EEF2K: variants seen among roughly 807,000 people sequenced by gnomAD.
The protein encoded by EEF2K is alternative protein EEF2K.
In EEF2K, 70 loss-of-function variants were observed where a neutral mutation model predicts 93.8. The ratio of observed to expected loss-of-function variants is 0.75; its 90% confidence interval spans 0.62 to 0.91. The LOEUF (loss-of-function observed/expected upper bound fraction) is 0.91, where lower values mean the gene tolerates loss of function less well. EEF2K is among the 40% of genes least tolerant of loss of function. EEF2K has a pLI of 0.00. For synonymous variants in EEF2K, 376 were observed against 380.8 expected (o/e 0.99, Z 0.15); for missense variants, 935 against 972.9 (o/e 0.96, Z 0.52).
intron 2 of EEF2K, among the ~76,000 whole-genome samples, chr16:22,244,309 G>GTGTGTGTA (rs1491540875): frequency 2.8e-5 from 4 of 142,040 alleles, no homozygotes; most frequent in East Asian, 4.3e-4. Context: ...GTGTGTGTGT[G>GTGTGTGTA]TATATCCTAT....
At chr16:22,226,517 C>CTTCTTCTTTTTTT (rs1555469266) in intron 2 of EEF2K, among the ~76,000 whole-genome samples, 2 of 106,900 alleles carry the variant, frequency 1.9e-5, no homozygotes, top group South Asian at 3.0e-4. Flanking sequence ...CCTTCTTCTT[C>CTTCTTCTTTTTTT]TTTTTTTTTT....
At chr16:22,226,126 G>C (rs1438548590) in intron 2 of EEF2K, 151 bp downstream of exon 2, 30 of 1,203,934 alleles carry the variant, frequency 2.5e-5, no homozygotes, top group Non-Finnish European at 3.1e-5. Flanking sequence ...TAAGCAGGGA[G>C]GGTATTATTG....
chr16:22,255,742 C>A (rs1262262788), intron 6 of EEF2K, among the ~76,000 whole-genome samples: 1 of 151,952 alleles, frequency 6.6e-6, no homozygotes, highest in East Asian at 2.0e-4. Flanking sequence ...GACCTCGTCT[C>A]TATAAAAAAA....
At chr16:22,275,731 C>T (rs2047628045) in intron 16 of EEF2K, among the ~76,000 whole-genome samples, 1 of 150,850 alleles carries the variant, frequency 6.6e-6, no homozygotes, top group African/African-American at 2.4e-5. Context: ...ATCTCCACCT[C>T]CCAGGTTCAA....
chr16:22,213,384 GTTTAT>G (rs1248760682), intron 1 of EEF2K, among the ~76,000 whole-genome samples: 2 of 152,164 alleles, frequency 1.3e-5, no homozygotes, highest in Non-Finnish European at 2.9e-5. Flanking sequence ...GGACTGTTCT[GTTTAT>G]TTTAGGATGT....
At chr16:22,277,562 T>C (rs749375852) in intron 16 of EEF2K, among the ~76,000 whole-genome samples, 2 of 152,216 alleles carry the variant, frequency 1.3e-5, no homozygotes, top group African/African-American at 2.4e-5. Context: ...GGGAATGCAG[T>C]AGACAAATAC....
Position 22,248,807 on chromosome 16 carries a change from G to A in EEF2K, c.400G>A (p.Ala134Thr). The A allele has an allele frequency of 1.2e-6, 2 of 1,613,920 alleles. No individual in the cohort carries two copies. The highest frequency in any genetic ancestry group is 1.7e-6 in the Non-Finnish European group (2 of 1,179,916). ...GGATGATGAAGTTCTGATCAAGATG[G>A]CATCTCAGGTGAGCAGAGCGTTGAG... ...WLDDEVLIKMASQPFGRGAMR... is the reference protein window; with the variant it reads ...WLDDEVLIKMTSQPFGRGAMR... The change falls in exon 4 of 18, where the codon GCA becomes ACA. Residue 134 changes from alanine (A) to threonine (T), a missense_variant. Physicochemically the swap from Ala to Thr is moderately conservative, Grantham distance 58. Coordinates refer to ENST00000263026, the MANE Select transcript of EEF2K (RefSeq NM_013302.5).
intron 3 of EEF2K, 36 bp from the exon 4 acceptor site, chr16:22,248,719 T>C (rs755352300): frequency 8.1e-6 from 13 of 1,612,284 alleles, no homozygotes; most frequent in Non-Finnish European, 1.1e-5. Context: ...GACCACGTGA[T>C]GGACGCTGTG....
intron 1 of EEF2K, among the ~76,000 whole-genome samples, chr16:22,217,382 C>A (rs1233666414): frequency 1.3e-5 from 2 of 151,768 alleles, no homozygotes; most frequent in Non-Finnish European, 2.9e-5. Context: ...TATACAGTGG[C>A]CCTAGTAAGA....
intron 6 of EEF2K, among the ~76,000 whole-genome samples, chr16:22,254,556 C>A (rs2047381544): frequency 6.6e-6 from 1 of 152,136 alleles, no homozygotes; most frequent in African/African-American, 2.4e-5. Context: ...TGTAACAGGG[C>A]AAGAGGTGCA....
chr16:22,257,464 A>G (rs1225144091), intron 8 of EEF2K, 79 bp downstream of exon 8: 2 of 1,578,696 alleles, frequency 1.3e-6, no homozygotes, highest in African/African-American at 2.7e-5. Context: ...ACAGCCAAGG[A>G]AACAGGCTGA....
intron 2 of EEF2K, among the ~76,000 whole-genome samples, chr16:22,232,108 C>T (rs953850109): frequency 6.6e-6 from 1 of 151,444 alleles, no homozygotes; most frequent in Non-Finnish European, 1.5e-5. Flanking sequence ...TCACACACAT[C>T]TGGAAGCTCC....
At chr16:22,255,996 C>T (rs967980905) in intron 6 of EEF2K, among the ~76,000 whole-genome samples, 3 of 152,060 alleles carry the variant, frequency 2.0e-5, no homozygotes, top group African/African-American at 7.2e-5. Flanking sequence ...TCACTGCAAC[C>T]TCTGCCTCCT....
chr16:22,264,758 G>A (rs1328524326), intron 12 of EEF2K, 60 bp from the exon 13 acceptor site: 1 of 1,600,356 alleles, frequency 6.2e-7, no homozygotes, highest in Non-Finnish European at 8.5e-7. Flanking sequence ...CAGCTCTCAG[G>A]AGAGGTTCCT....
chr16:22,230,668 C>T (rs1490361829), intron 2 of EEF2K, among the ~76,000 whole-genome samples: 2 of 152,148 alleles, frequency 1.3e-5, no homozygotes, highest in African/African-American at 4.8e-5. Flanking sequence ...ACCACAGGTA[C>T]ATGCCACCAT....
At chr16:22,242,445 C>T (rs369297197) in intron 2 of EEF2K, among the ~76,000 whole-genome samples, 2 of 151,808 alleles carry the variant, frequency 1.3e-5, no homozygotes, top group African/African-American at 2.4e-5. Flanking sequence ...CTCAGCCTCC[C>T]GAGTATCTGG....
At chr16:22,253,145 G>A (rs1378910147) in intron 6 of EEF2K, among the ~76,000 whole-genome samples, 1 of 152,138 alleles carries the variant, frequency 6.6e-6, no homozygotes, top group Admixed American at 6.6e-5. Flanking sequence ...CCCCCTGCTA[G>A]GTTGGCACCT....
intron 2 of EEF2K, 78 bp from the exon 3 acceptor site, chr16:22,244,552 G>C: frequency 7.3e-7 from 1 of 1,371,160 alleles, no homozygotes; most frequent in Non-Finnish European, 1.0e-6. Flanking sequence ...GGAAATAACA[G>C]GGCAGGAGGA....
At chr16:22,236,551 A>G (rs908447413) in intron 2 of EEF2K, among the ~76,000 whole-genome samples, 7 of 152,056 alleles carry the variant, frequency 4.6e-5, no homozygotes, top group Non-Finnish European at 1.5e-5. Flanking sequence ...ATTTTATAAC[A>G]TGAAGTGACT....
Sources: gnomAD v4.1 joint callset for allele counts (sites outside exome capture counted in the v4.1 genomes callset) on GRCh38, gnomAD v4.1.1 for gene constraint, MANE v1.5 for transcripts, NCBI Gene and HGNC (gene_info 2026-07-23, HGNC 2026-07-21) for gene names.